Variants in DNAJC13 observed in about 807,000 individuals in gnomAD.
DNAJC13 encodes the protein dnaJ homolog subfamily C member 13.
A neutral mutation model predicts 290.5 loss-of-function variants in DNAJC13; 75 were observed. The observed-to-expected ratio is 0.26, with a 90% CI of 0.21 to 0.31. The LOEUF (loss-of-function observed/expected upper bound fraction) is 0.31, where lower values mean the gene tolerates loss of function less well. Among genes scored for constraint, DNAJC13 ranks in the 10% least tolerant of loss-of-function variants. The probability of loss-of-function intolerance (pLI) is 1.00; values close to 1 mark genes in which losing one functional copy is unlikely to be tolerated. For missense variants in DNAJC13, 2,260 were observed against 2,674.5 expected, an observed-to-expected ratio of 0.85 and a Z score of 3.42; for synonymous variants, 862 against 892.0, an observed-to-expected ratio of 0.97 and a Z score of 0.60.
chr3:132,488,413 T>C lies in DNAJC13; in HGVS notation c.3383T>C (p.Ile1128Thr). 1 of 1,613,692 alleles carries C rather than the reference T, an allele frequency of 6.2e-7. No homozygotes were observed. Among genetic ancestry groups the C allele is most frequent in the South Asian group, 1.1e-5 (1 of 91,018 alleles). ...TATCTGAGTGGAGTATTTTTCTTTA[T>C]CATGATGTACACAGGTTCCAATGTG... ...RLYLSGVFFF[I>T]MMYTGSNVLP... Residue 1128 changes from isoleucine to threonine, a missense_variant, in exon 30 of 56, where the codon ATC becomes ACC. Physicochemically the swap from Ile to Thr is moderately conservative, Grantham distance 89. Around this residue, in one of 3 missense-constraint regions of DNAJC13, gnomAD observed 1,494 missense variants for 1,693.7 expected, o/e 0.88. Coordinates refer to ENST00000260818, the MANE Select transcript of DNAJC13 (RefSeq NM_015268.4).
chr3:132,476,147 T>G (rs1157327334), intron 22 of DNAJC13, among the ~76,000 whole-genome samples: 1 of 152,192 alleles, frequency 6.6e-6, no homozygotes, highest in Non-Finnish European at 1.5e-5. Context: ...TTGCCCAGTC[T>G]GGCTTTTTAT....
chr3:132,474,804 T>A (rs1422264050), intron 21 of DNAJC13, 128 bp from the exon 22 acceptor site: 1 of 467,912 alleles, frequency 2.1e-6, no homozygotes, highest in African/African-American at 2.1e-5. Context: ...TTACATTTGC[T>A]AAAATCTATT....
At chr3:132,509,944 G>C (rs145340674) in intron 43 of DNAJC13, among the ~76,000 whole-genome samples, 1 of 152,310 alleles carries the variant, frequency 6.6e-6, no homozygotes, top group East Asian at 1.9e-4. Flanking sequence ...CTATCTCTGA[G>C]GTGTGCCTTT....
intron 1 of DNAJC13, among the ~76,000 whole-genome samples, chr3:132,418,516 G>A (rs1016255723): frequency 3.3e-5 from 5 of 152,062 alleles, no homozygotes; most frequent in African/African-American, 4.8e-5. Context: ...TCCTGTGTCC[G>A]TTGCTTAGAG....
chr3:132,532,086 T>A (rs1936433640), intron 55 of DNAJC13, among the ~76,000 whole-genome samples: 1 of 152,198 alleles, frequency 6.6e-6, no homozygotes, highest in African/African-American at 2.4e-5. Flanking sequence ...AATTTGAAAT[T>A]AACCTTAGGA....
intron 1 of DNAJC13, among the ~76,000 whole-genome samples, chr3:132,425,320 A>G (rs9882900): frequency 0.088 from 13,435 of 152,194 alleles, 749 homozygotes; most frequent in African/African-American, 0.16. Flanking sequence ...TTTGGAATGT[A>G]GCATTGTTTC....
intron 22 of DNAJC13, among the ~76,000 whole-genome samples, chr3:132,477,197 A>T (rs1006107160): frequency 2.0e-5 from 3 of 152,232 alleles, no homozygotes; most frequent in Non-Finnish European, 4.4e-5. Flanking sequence ...ACTTCGGAAA[A>T]AGAATTCTGA....
chr3:132,534,226 G>T (rs1177295391), intron 55 of DNAJC13, among the ~76,000 whole-genome samples: 2 of 152,186 alleles, frequency 1.3e-5, no homozygotes, highest in Non-Finnish European at 2.9e-5. Flanking sequence ...TGTCCATGTA[G>T]AACAGTCTGG....
intron 1 of DNAJC13, among the ~76,000 whole-genome samples, chr3:132,421,180 T>C (rs978018669): frequency 3.3e-5 from 5 of 152,086 alleles, no homozygotes; most frequent in Non-Finnish European, 7.4e-5. Context: ...CCACCTGAAG[T>C]GTGTGTGTGT....
At chr3:132,515,504 C>A (rs1439026387) in intron 46 of DNAJC13, among the ~76,000 whole-genome samples, 6 of 151,694 alleles carry the variant, frequency 4.0e-5, no homozygotes, top group Non-Finnish European at 7.4e-5. Context: ...TTTGTAAAGT[C>A]ATTTGCAGAT....
chr3:132,451,814 T>TG (rs1933424821), intron 6 of DNAJC13, among the ~76,000 whole-genome samples: 1 of 152,230 alleles, frequency 6.6e-6, no homozygotes, highest in African/African-American at 2.4e-5. Flanking sequence ...TAAACAATGA[T>TG]GGGGGCTAGA....
rs1172099349 is a variant in DNAJC13 at position 132,495,062 on chromosome 3, C to T, written c.3942-26C>T. The T allele has an allele frequency of 3.2e-6, 5 of 1,571,148 alleles. No homozygotes were observed. The Admixed American group carries it at 5.0e-5, about 16-fold the overall frequency. On this transcript the variant is annotated intron_variant, in intron 34 of 55. Coordinates refer to ENST00000260818, the MANE Select transcript of DNAJC13 (RefSeq NM_015268.4). ...ATTTTTTCTTGTGCCTTACTATACT[C>T]ATAAAACAATTTTCCTGTTTAACAG...
intron 48 of DNAJC13, among the ~76,000 whole-genome samples, chr3:132,519,406 A>G (rs761989454): frequency 9.2e-5 from 14 of 152,182 alleles, no homozygotes; most frequent in Non-Finnish European, 1.6e-4. Flanking sequence ...CAACTTTTTA[A>G]GAGAAATGTT....
intron 40 of DNAJC13, 135 bp downstream of exon 40, chr3:132,502,603 T>C (rs1448517805): frequency 1.3e-6 from 1 of 748,258 alleles, no homozygotes; most frequent in Non-Finnish European, 2.0e-6. Context: ...TTTTGCTTTT[T>C]AAACCTAATC....
chr3:132,477,971 T>A lies in DNAJC13; in HGVS notation c.2550-10T>A, dbSNP rs200204728. 3.8e-4 allele frequency: 547 copies of A among 1,436,416 alleles called. 3 individuals carry two copies. The highest frequency in any genetic ancestry group is 4.6e-4 in the Non-Finnish European group (490 of 1,064,078). 89.0% of individuals were successfully genotyped at this position (1,436,416 alleles called of 1,614,324 possible). A position where few individuals can be genotyped will look rare whatever the true frequency, so the allele number is the denominator to read the frequency against. ...TATTTCTATTGTGAACTTTTTTTTT[T>A]AAAATCTAGGTATGAATTTTTCAAT... On this transcript the variant is annotated splice_polypyrimidine_tract_variant and intron_variant, in intron 23 of 55. Coordinates refer to ENST00000260818, the MANE Select transcript of DNAJC13 (RefSeq NM_015268.4).
chr3:132,490,708 G>A (rs1935035238), intron 31 of DNAJC13, among the ~76,000 whole-genome samples, 189 bp from the exon 32 acceptor site: 2 of 152,170 alleles, frequency 1.3e-5, no homozygotes, highest in African/African-American at 4.8e-5. Flanking sequence ...CTCATGCCAA[G>A]CCAGTTTGTA....
intron 29 of DNAJC13, 113 bp downstream of exon 29, chr3:132,484,785 T>C: frequency 9.1e-6 from 9 of 987,770 alleles, no homozygotes; most frequent in Non-Finnish European, 1.4e-5. Flanking sequence ...AAAGCCTAAA[T>C]AGGCCAGGTG....
At chr3:132,422,611 T>G (rs931974348) in intron 1 of DNAJC13, among the ~76,000 whole-genome samples, 5 of 152,356 alleles carry the variant, frequency 3.3e-5, no homozygotes. Flanking sequence ...TCATAGGAAC[T>G]CCTTTGAGAG....
In DNAJC13 at chr3:132,525,078, C is replaced by T. The variant is rs941541621; in HGVS notation, c.6061-532C>T. ...AATAGAGGCTGGGCGCGGTGGCTCA[C>T]GCCTGTAATACCAGCACTTTGGGAG... is the stretch of plus-strand genomic sequence containing the variant. On this transcript the variant is annotated intron_variant, in intron 51 of 55. Transcript: ENST00000260818. 2.6e-5 allele frequency among the ~76,000 whole-genome samples: 4 copies of T among 152,296 alleles called. No homozygotes were observed. The East Asian group carries it at 5.8e-4, about 22-fold the overall frequency.
Sources: allele counts gnomAD v4.1 joint callset (sites outside exome capture counted in the v4.1 genomes callset), GRCh38; gene constraint gnomAD v4.1.1; regional missense constraint gnomAD v4.1.1; transcripts MANE v1.5; gene names NCBI Gene and HGNC (gene_info 2026-07-23, HGNC 2026-07-21).